Variants in HTR1F observed in about 807,000 individuals in gnomAD.
The protein encoded by HTR1F is 5-hydroxytryptamine (serotonin) receptor 1F, G protein-coupled.
Under a neutral mutation model 24.0 loss-of-function variants are expected in HTR1F, and 17 were observed. The ratio of observed to expected loss-of-function variants is 0.71; its 90% CI spans 0.48 to 1.06. The LOEUF (loss-of-function observed/expected upper bound fraction) is 1.06. Among genes scored for constraint, HTR1F ranks in the 50% least tolerant of loss-of-function variants. HTR1F has a pLI of 0.00. For synonymous variants in HTR1F, 186 were observed against 156.8 expected (o/e 1.19, Z -1.39); for missense variants, 391 against 427.8 (o/e 0.91, Z 0.76).
In HTR1F at chr3:87,931,197, C is replaced by T. The variant is rs185030144; in HGVS notation, c.-42-59511C>T. Among the ~76,000 whole-genome samples, 6 of 152,130 alleles carry T rather than the reference C, an allele frequency of 3.9e-5. No individual in the cohort carries two copies. The East Asian group carries it at 1.2e-3, about 29-fold the overall frequency. ...ATATCCCCTAATGCTATCACTCCCCCCTCCCCCAACCCCACAACAGTCCCC... is the reference window on the plus strand; with the variant it reads ...ATATCCCCTAATGCTATCACTCCCCTCTCCCCCAACCCCACAACAGTCCCC... On this transcript the variant is annotated intron_variant, in intron 2 of 2. Coordinates refer to ENST00000319595, the MANE Select transcript of HTR1F (RefSeq NM_001322209.2).
intron 2 of HTR1F, among the ~76,000 whole-genome samples, chr3:87,912,994 C>T (rs984619435): frequency 3.3e-5 from 5 of 151,984 alleles, no homozygotes; most frequent in Non-Finnish European, 5.9e-5. Flanking sequence ...TCCTGGAAGA[C>T]GACCTAGGCA....
chr3:87,964,909 C>T (rs1224526962), intron 2 of HTR1F, among the ~76,000 whole-genome samples: 1 of 151,844 alleles, frequency 6.6e-6, no homozygotes, highest in Non-Finnish European at 1.5e-5. Flanking sequence ...CTTTCCCATG[C>T]TGTTCTCATG....
chr3:87,854,185 T>G (rs1705151495), intron 2 of HTR1F, among the ~76,000 whole-genome samples: 1 of 152,000 alleles, frequency 6.6e-6, no homozygotes. Context: ...TCCAGTATAT[T>G]ACATGTAGCA....
At chr3:87,810,811 T>C (rs1161704728) in intron 1 of HTR1F, among the ~76,000 whole-genome samples, 2 of 152,174 alleles carry the variant, frequency 1.3e-5, no homozygotes, top group African/African-American at 4.8e-5. Flanking sequence ...CCCCAACTTG[T>C]GGCTTTGACA....
At chr3:87,846,666 G>A (rs1704952300) in intron 2 of HTR1F, among the ~76,000 whole-genome samples, 1 of 151,946 alleles carries the variant, frequency 6.6e-6, no homozygotes, top group African/African-American at 2.4e-5. Flanking sequence ...GTAATGGCTT[G>A]CAGTGCTGGA....
intron 2 of HTR1F, among the ~76,000 whole-genome samples, chr3:87,874,529 T>A (rs1705627399): frequency 6.6e-6 from 1 of 151,854 alleles, no homozygotes; most frequent in African/African-American, 2.4e-5. Context: ...CACTCATGAA[T>A]TAAAAGATTT....
chr3:87,903,631 G>T (rs1468715343), intron 2 of HTR1F, among the ~76,000 whole-genome samples: 1 of 151,568 alleles, frequency 6.6e-6, no homozygotes, highest in Non-Finnish European at 1.5e-5. Flanking sequence ...AACAACAGGT[G>T]CTGGAGAGGA....
chr3:87,874,236 CCACA>C (rs71131526), intron 2 of HTR1F, among the ~76,000 whole-genome samples: 2,165 of 151,830 alleles, frequency 0.014, 21 homozygotes, highest in Middle Eastern at 0.034. Context: ...CCTAAAGATT[CCACA>C]CACACACATA....
chr3:87,805,083 G>A (rs777626376), intron 1 of HTR1F, among the ~76,000 whole-genome samples: 1 of 151,926 alleles, frequency 6.6e-6, no homozygotes, highest in Non-Finnish European at 1.5e-5. Flanking sequence ...CATCTACTGG[G>A]TGTTTCTGTT....
chr3:87,914,259 A>G (rs2107358470), intron 2 of HTR1F, among the ~76,000 whole-genome samples: 1 of 152,240 alleles, frequency 6.6e-6, no homozygotes, highest in Admixed American at 6.5e-5. Flanking sequence ...TTCAGGAGGG[A>G]GGCCAGAGGC....
chr3:87,986,947 A>C (rs1454083068), intron 2 of HTR1F, among the ~76,000 whole-genome samples: 3 of 152,062 alleles, frequency 2.0e-5, no homozygotes, highest in African/African-American at 7.2e-5. Context: ...TCTACTAAAA[A>C]TATAGAAAAT....
chr3:87,911,668 T>C (rs937687997), intron 2 of HTR1F, among the ~76,000 whole-genome samples: 2 of 152,056 alleles, frequency 1.3e-5, no homozygotes, highest in Non-Finnish European at 2.9e-5. Context: ...AAATCCTCAA[T>C]AAAATACTTG....
Position 87,992,337 on chromosome 3 carries a change from G to A in HTR1F, c.*487G>A, listed in dbSNP as rs533553300. 35 of 167,018 alleles carry A rather than the reference G, an allele frequency of 2.1e-4. No homozygotes were observed. The highest frequency in any genetic ancestry group is 7.7e-4 in the African/African-American group (32 of 41,532). The allele number at this position is 167,018 out of a possible 1,614,324, so 10.3% of individuals were successfully genotyped here. A position where few individuals can be genotyped will look rare whatever the true frequency, so the allele number is the denominator to read the frequency against. ...TCTTGTCCCTTCTCCATCTTACCCT[G>A]AGCAAAAGGGAGGGGGAAGGAGCAA... On this transcript the variant is annotated 3_prime_UTR_variant, in exon 3 of 3. Coordinates refer to ENST00000319595, the MANE Select transcript of HTR1F (RefSeq NM_001322209.2).
At chr3:87,819,533 T>A (rs971418327) in intron 1 of HTR1F, among the ~76,000 whole-genome samples, 19 of 151,990 alleles carry the variant, frequency 1.3e-4, no homozygotes, top group Non-Finnish European at 2.4e-4. Context: ...TGCCTTTTTT[T>A]AAAAAAGGCT....
rs530268207 is a variant in HTR1F, at chr3:87,821,481, T to C, written c.-159-527T>C. ...AAAGTAGCATGCCATTAGCTTATTT[T>C]ATATTAAAATGTTCGTGATGTTGAT... On this transcript the variant is annotated intron_variant, in intron 1 of 2. Coordinates refer to ENST00000319595, the MANE Select transcript of HTR1F (RefSeq NM_001322209.2). Among the ~76,000 whole-genome samples the C allele has an allele frequency of 1.2e-4, 19 of 152,308 alleles. 1 individual carries two copies. The highest frequency in any genetic ancestry group is 4.6e-4 in the African/African-American group (19 of 41,564).
chr3:87,931,558 A>G (rs1370131247), intron 2 of HTR1F, among the ~76,000 whole-genome samples: 1 of 152,186 alleles, frequency 6.6e-6, no homozygotes, highest in East Asian at 1.9e-4. Context: ...CATTGGGTAT[A>G]TACCCAGTAA....
At chr3:87,817,159 C>T (rs1382134207) in intron 1 of HTR1F, among the ~76,000 whole-genome samples, 1 of 152,084 alleles carries the variant, frequency 6.6e-6, no homozygotes, top group African/African-American at 2.4e-5. Flanking sequence ...TTTATTAATT[C>T]TTGTATTTAT....
intron 2 of HTR1F, among the ~76,000 whole-genome samples, chr3:87,924,457 T>A (rs979100532): frequency 2.0e-5 from 3 of 152,158 alleles, no homozygotes; most frequent in Admixed American, 2.0e-4. Flanking sequence ...TGTATGTCTG[T>A]TCTACCAGTG....
intron 2 of HTR1F, among the ~76,000 whole-genome samples, chr3:87,875,170 G>T (rs1488180336): frequency 6.6e-6 from 1 of 152,112 alleles, no homozygotes; most frequent in African/African-American, 2.4e-5. Context: ...TACACAGTAG[G>T]CCAGGTGTGA....
Sources: gnomAD v4.1 joint callset for allele counts (sites outside exome capture counted in the v4.1 genomes callset) on GRCh38, gnomAD v4.1.1 for gene constraint, MANE v1.5 for transcripts, NCBI Gene and HGNC (gene_info 2026-07-23, HGNC 2026-07-21) for gene names.